Variants in DNAJC10 observed in about 807,000 individuals in gnomAD.
The protein encoded by DNAJC10 is endoplasmic reticulum disulfide reductase DNAJC10.
A neutral mutation model predicts 115.0 loss-of-function variants in DNAJC10; 101 were observed. The ratio of observed to expected loss-of-function variants is 0.88; its 90% CI spans 0.75 to 1.04. The LOEUF is 1.04. DNAJC10 is among the 50% of genes least tolerant of loss of function. The probability of loss-of-function intolerance (pLI) is 0.00; values close to 1 mark genes in which losing one functional copy is unlikely to be tolerated. For missense variants in DNAJC10, 981 were observed against 928.8 expected (o/e 1.06, Z -0.73); for synonymous variants, 307 against 301.5 (o/e 1.02, Z -0.19).
At chr2:182,754,759 T>A in intron 16 of DNAJC10, 2 of 1,210,716 alleles carry the variant, frequency 1.7e-6, no homozygotes, top group Admixed American at 3.9e-5. Flanking sequence ...AATGTTTCAA[T>A]GCCTATGGTT....
rs565796545 is a variant in DNAJC10 at position 182,721,884 on chromosome 2, A to T, written c.368-141A>T. On this transcript the variant is annotated intron_variant, in intron 4 of 23. Coordinates refer to ENST00000264065, the MANE Select transcript of DNAJC10 (RefSeq NM_018981.4). The stretch of plus-strand genomic sequence containing the variant: ...AGTATTATTTACTTTTTTTTCACTT[A>T]GGATGTTGCATATTCTCTAAGTTTG... 5.7e-4 allele frequency: 280 copies of T among 489,292 alleles called. 4 individuals carry two copies. The highest frequency in any genetic ancestry group is 3.9e-3 in the South Asian group (124 of 32,190). The allele number at this position is 489,292 out of a possible 1,614,324, so 30.3% of individuals were successfully genotyped here.
At chr2:182,736,540 T>A (rs1372427557) in intron 11 of DNAJC10, among the ~76,000 whole-genome samples, 154 bp downstream of exon 11, 1 of 152,180 alleles carries the variant, frequency 6.6e-6, no homozygotes, top group African/African-American at 2.4e-5. Context: ...ATTTCTGAGA[T>A]TCTTTTTAAT....
chr2:182,751,130 CTTTTTTT>C (rs773393648), intron 14 of DNAJC10, among the ~76,000 whole-genome samples: 1,453 of 85,186 alleles, frequency 0.017, 33 homozygotes, highest in African/African-American at 0.065. Flanking sequence ...GAGATTTTGA[CTTTTTTT>C]TTTTTTTTTT....
intron 14 of DNAJC10, among the ~76,000 whole-genome samples, chr2:182,751,017 T>G (rs1008280478): frequency 2.6e-5 from 4 of 152,072 alleles, no homozygotes; most frequent in African/African-American, 9.7e-5. Flanking sequence ...AGAAAATGAT[T>G]TAGGAGTTAG....
At chr2:182,749,035 T>C (rs1425781653) in intron 14 of DNAJC10, among the ~76,000 whole-genome samples, 1 of 152,088 alleles carries the variant, frequency 6.6e-6, no homozygotes, top group Non-Finnish European at 1.5e-5. Context: ...TTGTTATAAT[T>C]TCTATTCTTT....
rs1694758931 is a variant in DNAJC10, at chr2:182,778,177, A to C, written c.*1045A>C. ...TAGTTTTGGTTTTTCACTCCTGTCC[A>C]GTCTATTTATTATTCAAATAGGAAA... On this transcript the variant is annotated 3_prime_UTR_variant, in exon 24 of 24. Transcript: ENST00000264065. The C allele has an allele frequency of 6.6e-6, 1 of 152,144 alleles. No homozygotes were observed. Among genetic ancestry groups the C allele is most frequent in the Non-Finnish European group, 1.5e-5 (1 of 68,024 alleles). The allele number at this position is 152,144 out of a possible 1,614,324, so 9.4% of individuals were successfully genotyped here. A position where few individuals can be genotyped will look rare whatever the true frequency, so the allele number is the denominator to read the frequency against.
At position 182,788,221 on chromosome 2, in the gene DNAJC10, C is replaced by CA. The variant is rs1694985076; in HGVS notation, c.*11090dup. 1 of 159,670 alleles carries CA rather than the reference C, an allele frequency of 6.3e-6. No individual in the cohort carries two copies. The highest frequency in any genetic ancestry group is 1.4e-5 in the Non-Finnish European group (1 of 73,374). The allele number at this position is 159,670 out of a possible 1,614,324, so 9.9% of individuals were successfully genotyped here. ...AGTGGGATTCAAGAAGCATACCCCT[C>CA]AGAGCACTCAAAGAGATCCGGAAGT... is the stretch of plus-strand genomic sequence containing the variant. On this transcript the variant is annotated 3_prime_UTR_variant, in exon 24 of 24. Coordinates refer to ENST00000264065, the MANE Select transcript of DNAJC10 (RefSeq NM_018981.4).
intron 14 of DNAJC10, among the ~76,000 whole-genome samples, chr2:182,746,934 C>T (rs1251458454): frequency 6.6e-6 from 1 of 151,634 alleles, no homozygotes; most frequent in African/African-American, 2.4e-5. Flanking sequence ...GATCCAGTTT[C>T]AGCTTTCTAC....
At chr2:182,727,236 AT>A (rs1195040822) in intron 5 of DNAJC10, among the ~76,000 whole-genome samples, 2 of 149,960 alleles carry the variant, frequency 1.3e-5, no homozygotes, top group African/African-American at 5.1e-5. Flanking sequence ...GGTAGGAGAC[AT>A]TTTTACTACA....
At position 182,740,142 on chromosome 2, in the gene DNAJC10, C is replaced by CT. The variant is rs553561592; in HGVS notation, c.988-150dup. On this transcript the variant is annotated intron_variant, in intron 11 of 23. Transcript: ENST00000264065. ...TATTTTTGATAATTGCCAAAATACACTTTTTTTGAAAAAAGACATTTGGAA... is the reference window on the plus strand; with the variant it reads ...TATTTTTGATAATTGCCAAAATACACTTTTTTTTGAAAAAAGACATTTGGAA... The CT allele has an allele frequency of 1.5e-5, 17 of 1,157,102 alleles. No homozygotes were observed. The South Asian group carries it at 4.2e-4, about 29-fold the overall frequency. 71.7% of individuals were successfully genotyped at this position (1,157,102 alleles called of 1,614,324 possible).
chr2:182,752,051 T>C (rs1446376370), intron 15 of DNAJC10, 21 bp from the exon 16 acceptor site: 1 of 1,572,058 alleles, frequency 6.4e-7, no homozygotes, highest in Admixed American at 1.7e-5. Context: ...TCGGTGCTTA[T>C]GAATATTTTT....
At chr2:182,771,115 T>C (rs1694549987) in intron 22 of DNAJC10, among the ~76,000 whole-genome samples, 1 of 152,212 alleles carries the variant, frequency 6.6e-6, no homozygotes, top group African/African-American at 2.4e-5. Context: ...CATTTATTGA[T>C]TTGCATATGT....
At chr2:182,737,208 C>T (rs899922960) in intron 11 of DNAJC10, among the ~76,000 whole-genome samples, 4 of 152,134 alleles carry the variant, frequency 2.6e-5, no homozygotes, top group African/African-American at 9.7e-5. Context: ...GAAACTGAAG[C>T]TCAATCTAGT....
In DNAJC10 at chr2:182,743,548, C is replaced by A. The variant is rs761780442; in HGVS notation, c.1192-50C>A. The A allele has an allele frequency of 3.3e-5, 44 of 1,339,710 alleles. No individual in the cohort carries two copies. The South Asian group carries it at 5.2e-4, about 16-fold the overall frequency. 83.0% of individuals were successfully genotyped at this position (1,339,710 alleles called of 1,614,324 possible). ...TGGATTATCATGAATATTTACAAAT[C>A]AAATGGGTAAGACAGTGTTTTTATC... On this transcript the variant is annotated intron_variant, in intron 13 of 23. Coordinates refer to ENST00000264065, the MANE Select transcript of DNAJC10 (RefSeq NM_018981.4).
chr2:182,739,388 T>G (rs1693674248), intron 11 of DNAJC10, among the ~76,000 whole-genome samples: 1 of 151,676 alleles, frequency 6.6e-6, no homozygotes. Flanking sequence ...TCCATGATTG[T>G]TCGTACAAGT....
chr2:182,721,949 C>A, intron 4 of DNAJC10, 76 bp from the exon 5 acceptor site: 1 of 795,836 alleles, frequency 1.3e-6, no homozygotes. Flanking sequence ...ATGATTAAAA[C>A]GAGTAATCTA....
intron 5 of DNAJC10, among the ~76,000 whole-genome samples, chr2:182,724,022 A>G (rs529527750): frequency 6.6e-6 from 1 of 152,310 alleles, no homozygotes; most frequent in East Asian, 1.9e-4. Context: ...CTCTCTAGAA[A>G]GTCAACAAGC....
chr2:182,761,795 T>C (rs747651351), intron 21 of DNAJC10, among the ~76,000 whole-genome samples: 14 of 152,100 alleles, frequency 9.2e-5, no homozygotes, highest in South Asian at 2.1e-4. Flanking sequence ...CATATAGATA[T>C]GTAAAACCAC....
At chr2:182,763,304 C>T (rs1462559631) in intron 22 of DNAJC10, among the ~76,000 whole-genome samples, 1 of 152,066 alleles carries the variant, frequency 6.6e-6, no homozygotes, top group Non-Finnish European at 1.5e-5. Context: ...CTCATGTTTT[C>T]TGGTAAAACA....
Sources: gnomAD v4.1 joint callset for allele counts (sites outside exome capture counted in the v4.1 genomes callset) on GRCh38, gnomAD v4.1.1 for gene constraint, MANE v1.5 for transcripts, NCBI Gene and HGNC (gene_info 2026-07-23, HGNC 2026-07-21) for gene names.